Variants in KCNQ3 observed in about 807,000 individuals in gnomAD.
The protein encoded by KCNQ3 is potassium voltage-gated channel subfamily Q member 3.
In KCNQ3, 30 loss-of-function variants were observed where a neutral mutation model predicts 92.5. The observed-to-expected ratio is 0.32, with a 90% CI of 0.24 to 0.44. The LOEUF is 0.44. KCNQ3 is among the 20% of genes least tolerant of loss of function. KCNQ3 has a pLI of 1.00. For synonymous variants in KCNQ3, 450 were observed against 468.8 expected, an observed-to-expected ratio of 0.96 and a Z score of 0.52; for missense variants, 913 against 1,140.3, an observed-to-expected ratio of 0.80 and a Z score of 2.87.
In KCNQ3 at chr8:132,214,239, T is replaced by C. The variant is rs141396245; in HGVS notation, c.387-28058A>G. 1.7e-3 allele frequency among the ~76,000 whole-genome samples: 264 copies of C among 152,258 alleles called. 2 individuals carry two copies. The highest frequency in any genetic ancestry group is 6.2e-3 in the African/African-American group (259 of 41,554). Reference sequence around the variant, plus strand: ...GTCTTTTCTAGTTCTGATTCTGAGATACAGACCGCAATTTATGCAATAGAT... The same window carrying C: ...GTCTTTTCTAGTTCTGATTCTGAGACACAGACCGCAATTTATGCAATAGAT... On this transcript the variant is annotated intron_variant, in intron 1 of 14. Coordinates refer to ENST00000388996, the MANE Select transcript of KCNQ3 (RefSeq NM_004519.4).
chr8:132,402,476 G>T (rs1048776200), intron 1 of KCNQ3, among the ~76,000 whole-genome samples: 2 of 152,176 alleles, frequency 1.3e-5, no homozygotes, highest in African/African-American at 4.8e-5. Context: ...GGTCTTTCGT[G>T]TATCTCCTGA....
At chr8:132,280,489 CT>C (rs1396194084) in intron 1 of KCNQ3, among the ~76,000 whole-genome samples, 1 of 152,132 alleles carries the variant, frequency 6.6e-6, no homozygotes, top group East Asian at 1.9e-4. Flanking sequence ...AATCAGATCT[CT>C]TGAGAACTCA....
At chr8:132,329,583 G>C (rs1019270004) in intron 1 of KCNQ3, among the ~76,000 whole-genome samples, 2 of 152,152 alleles carry the variant, frequency 1.3e-5, no homozygotes, top group African/African-American at 4.8e-5. Context: ...ACAGTGGTCG[G>C]TGTAGCTCTG....
intron 1 of KCNQ3, chr8:132,186,543 TTAA>T (rs1826963020): frequency 2.7e-6 from 1 of 366,694 alleles, no homozygotes; most frequent in Non-Finnish European, 5.4e-6. Flanking sequence ...TATGAATTAA[TTAA>T]TAATGTGTTC....
intron 1 of KCNQ3, among the ~76,000 whole-genome samples, chr8:132,187,711 GTGGTGGTGA>G (rs1391334499): frequency 4.0e-5 from 6 of 151,460 alleles, no homozygotes; most frequent in Middle Eastern, 3.4e-3. Context: ...AGTGGTGGTG[GTGGTGGTGA>G]TGGTGGTGAT....
chr8:132,463,233 A>G (rs1822102227), intron 1 of KCNQ3, among the ~76,000 whole-genome samples: 1 of 152,250 alleles, frequency 6.6e-6, no homozygotes, highest in African/African-American at 2.4e-5. Context: ...AATAAAATCA[A>G]GTAACAAGAA....
Position 132,122,599 on chromosome 8 carries a change from T to A in KCNQ3, c.*6663A>T, listed in dbSNP as rs1824516509. On this transcript the variant is annotated 3_prime_UTR_variant, in exon 15 of 15. Transcript: ENST00000388996. ...TTATTTTAAGCCCATAACAGTGCTA[T>A]CTGGAGGATGAAGGCTTAGGTAGAA... The A allele has an allele frequency of 6.6e-6, 1 of 152,228 alleles. No homozygotes were observed. The highest frequency in any genetic ancestry group is 2.4e-5 in the African/African-American group (1 of 41,452). The allele number at this position is 152,228 out of a possible 1,614,324, so 9.4% of individuals were successfully genotyped here. A position where few individuals can be genotyped will look rare whatever the true frequency, so the allele number is the denominator to read the frequency against.
chr8:132,323,483 G>A (rs753751673), intron 1 of KCNQ3, among the ~76,000 whole-genome samples: 1 of 152,146 alleles, frequency 6.6e-6, no homozygotes, highest in Non-Finnish European at 1.5e-5. Context: ...TTCTTTGGTC[G>A]CTTACAGAAA....
At chr8:132,451,902 A>G (rs534226159) in intron 1 of KCNQ3, among the ~76,000 whole-genome samples, 25 of 152,338 alleles carry the variant, frequency 1.6e-4, no homozygotes, top group South Asian at 4.1e-4. Flanking sequence ...AGCGGCCTCA[A>G]CTGGGACAGG....
chr8:132,281,062 TC>T (rs1368151836), intron 1 of KCNQ3, among the ~76,000 whole-genome samples: 2 of 152,214 alleles, frequency 1.3e-5, no homozygotes, highest in African/African-American at 4.8e-5. Flanking sequence ...TGAGGAGCTC[TC>T]ATTTATTAGG....
chr8:132,322,555 G>C (rs1441591294), intron 1 of KCNQ3, among the ~76,000 whole-genome samples: 1 of 152,194 alleles, frequency 6.6e-6, no homozygotes, highest in East Asian at 1.9e-4. Context: ...GGAATAGAGG[G>C]AGGTAGGTCC....
intron 1 of KCNQ3, among the ~76,000 whole-genome samples, chr8:132,253,498 C>T (rs766615490): frequency 1.3e-5 from 2 of 152,170 alleles, no homozygotes; most frequent in African/African-American, 2.4e-5. Context: ...AAAGTCATGA[C>T]ACCAATAAAT....
rs1344419535 is a variant in KCNQ3 at position 132,410,521 on chromosome 8, T to C, written c.386+69626A>G. ...AATTATGAGTGGCTCATGAGCGAGA[T>C]CCATGAGAAAATGCATTGCATGCAA... On this transcript the variant is annotated intron_variant, in intron 1 of 14. Coordinates refer to ENST00000388996, the MANE Select transcript of KCNQ3 (RefSeq NM_004519.4). Among the ~76,000 whole-genome samples, 2 of 152,152 alleles carry C rather than the reference T, an allele frequency of 1.3e-5. 1 individual carries two copies. The highest frequency in any genetic ancestry group is 4.1e-4 in the South Asian group (2 of 4,828).
At chr8:132,478,985 G>A (rs902659042) in intron 1 of KCNQ3, among the ~76,000 whole-genome samples, 12 of 151,926 alleles carry the variant, frequency 7.9e-5, no homozygotes, top group African/African-American at 1.7e-4. Flanking sequence ...AGGGGGGAGG[G>A]GGGGTTGCCA....
intron 1 of KCNQ3, among the ~76,000 whole-genome samples, chr8:132,461,899 T>C (rs890870428): frequency 7.2e-5 from 11 of 152,316 alleles, no homozygotes; most frequent in African/African-American, 2.6e-4. Context: ...ATTTTGAGAG[T>C]TCTTTGTATG....
intron 1 of KCNQ3, among the ~76,000 whole-genome samples, chr8:132,389,325 C>G (rs569771849): frequency 4.6e-5 from 7 of 152,246 alleles, no homozygotes; most frequent in African/African-American, 1.7e-4. Flanking sequence ...GGCGTGGTGG[C>G]ACATGCCTGT....
In KCNQ3 at chr8:132,129,633, T is replaced by A; in HGVS notation, c.2248A>T (p.Ile750Phe). 1 of 1,614,108 alleles carries A rather than the reference T, an allele frequency of 6.2e-7. No individual in the cohort carries two copies. The highest frequency in any genetic ancestry group is 2.2e-5 in the East Asian group (1 of 44,864). Residue 750 changes from isoleucine (I) to phenylalanine (F), a missense_variant, in exon 15 of 15, where the codon ATC becomes TTC. Physicochemically the swap from Ile to Phe is conservative, Grantham distance 21. Transcript: ENST00000388996. This position sits in a 1 kb window ranked among gnomAD's most constrained non-coding sequence, Gnocchi z 5.9. ...TYVERPTVLP[I>F]LTLLDSRVSC... ...ACTCGGGAGTCGAGAAGAGTCAAGA[T>A]AGGCAGGACCGTGGGCCTCTCCACA...
chr8:132,223,596 T>G (rs1203749409), intron 1 of KCNQ3, among the ~76,000 whole-genome samples: 1 of 152,230 alleles, frequency 6.6e-6, no homozygotes, highest in Non-Finnish European at 1.5e-5. Flanking sequence ...ATTACTATTA[T>G]TTAGTGCAAT....
intron 1 of KCNQ3, among the ~76,000 whole-genome samples, chr8:132,377,672 A>C (rs534622275): frequency 6.6e-6 from 1 of 152,326 alleles, no homozygotes; most frequent in African/African-American, 2.4e-5. Context: ...GTCCAAGGCT[A>C]AGCACAGTGA....
Sources: gnomAD v4.1 joint callset for allele counts (sites outside exome capture counted in the v4.1 genomes callset) on GRCh38, gnomAD v4.1.1 for gene constraint, Gnocchi (gnomAD v3.1) non-coding constraint, MANE v1.5 for transcripts, NCBI Gene and HGNC (gene_info 2026-07-23, HGNC 2026-07-21) for gene names.